Variants in DCP1A observed in about 807,000 individuals in gnomAD.
DCP1A encodes the protein mRNA-decapping enzyme 1A.
A neutral mutation model predicts 58.0 loss-of-function variants in DCP1A; 20 were observed. That is an observed-to-expected ratio of 0.34 (90% CI 0.24 to 0.50). The LOEUF (loss-of-function observed/expected upper bound fraction) is 0.50, where lower values mean the gene tolerates loss of function less well. DCP1A is among the 20% of genes least tolerant of loss of function. The pLI is 0.98. For missense variants in DCP1A, 613 were observed against 712.2 expected (o/e 0.86, Z 1.59); for synonymous variants, 285 against 275.1 (o/e 1.04, Z -0.36).
rs1553686139 is a variant in DCP1A at position 53,292,280 on chromosome 3, C to T, written c.1172G>A (p.Ser391Asn). ...VTNTAGTSLP[S>N]VDLLQKLRLT... is the part of the protein sequence containing the mutation. ...CCTGAGTTTCTGGAGAAGATCAACG[C>T]TTGGGAGGGATGTGCCAGCTGTGTT... The change falls in exon 7 of 10, where the codon AGC (serine) becomes AAC (asparagine). Residue 391 changes from serine to asparagine, a missense_variant. Transcript: ENST00000610213. 3 of 1,613,944 alleles carry T rather than the reference C, an allele frequency of 1.9e-6. No individual in the cohort carries two copies. Among genetic ancestry groups the T allele is most frequent in the Non-Finnish European group, 2.5e-6 (3 of 1,179,866 alleles).
At chr3:53,287,765 T>C in intron 9 of DCP1A, 105 bp from the exon 10 acceptor site, 1 of 795,398 alleles carries the variant, frequency 1.3e-6, no homozygotes, top group Non-Finnish European at 2.1e-6. Context: ...ATGATTTGTA[T>C]AACTGATAAT....
Position 53,288,078 on chromosome 3 carries a change from A to G in DCP1A, c.1655T>C (p.Ile552Thr). ...LSKSQLQDTLIHLIKNDSSFL... is the reference protein window; with the variant it reads ...LSKSQLQDTLTHLIKNDSSFL... ...TATCCTACATACCTTTATTAGATGT[A>G]TTAATGTATCCTGGAGCTGAGACTT... is the stretch of plus-strand genomic sequence containing the variant. The change falls in exon 9 of 10, where the codon ATA becomes ACA. Residue 552 changes from isoleucine (I) to threonine (T), a missense_variant. Coordinates refer to ENST00000610213, the MANE Select transcript of DCP1A (RefSeq NM_018403.7). 1.2e-6 allele frequency: 2 copies of G among 1,613,614 alleles called. No individual in the cohort carries two copies. Among genetic ancestry groups the G allele is most frequent in the Non-Finnish European group, 1.7e-6 (2 of 1,179,478 alleles).
At chr3:53,332,814 C>T (rs553486670) in intron 3 of DCP1A, among the ~76,000 whole-genome samples, 1 of 151,788 alleles carries the variant, frequency 6.6e-6, no homozygotes, top group Non-Finnish European at 1.5e-5. Flanking sequence ...GCCTAGATCG[C>T]CCCACTGCAC....
chr3:53,312,495 C>CTTT (rs879948145), intron 4 of DCP1A, 116 bp from the exon 5 acceptor site: 517 of 525,762 alleles, frequency 9.8e-4, no homozygotes, highest in South Asian at 1.8e-3. Flanking sequence ...TGACATTCTT[C>CTTT]TTTTTTTTTT....
intron 4 of DCP1A, among the ~76,000 whole-genome samples, chr3:53,318,304 A>C (rs1707870389): frequency 1.3e-5 from 2 of 152,012 alleles, no homozygotes; most frequent in Admixed American, 1.3e-4. Flanking sequence ...GACTCTGTCT[A>C]AAAAAAACCA....
chr3:53,292,451 CT>C lies in DCP1A; in HGVS notation c.1000del (p.Ser334AlafsTer8). 6.2e-7 allele frequency: 1 copy of C among 1,613,934 alleles called. No homozygotes were observed. Among genetic ancestry groups the C allele is most frequent in the Non-Finnish European group, 8.5e-7 (1 of 1,179,872 alleles). On this transcript the variant is annotated frameshift_variant, in exon 7 of 10. Transcript: ENST00000610213. LOFTEE classifies it high-confidence loss of function. ...AEAPTAQVPPSLPRNSTMMQA... is the reference protein window; with the variant it reads ...AEAPTAQVPPXLPRNSTMMQA... ...CATCATGGTGCTGTTTCGAGGTAAGCTGGGGGGAACCTGTGCAGTAGGAGCT... is the reference window on the plus strand; with the variant it reads ...CATCATGGTGCTGTTTCGAGGTAAGCGGGGGGAACCTGTGCAGTAGGAGCT...
chr3:53,333,650 A>T (rs2089056986), intron 3 of DCP1A, among the ~76,000 whole-genome samples: 1 of 151,942 alleles, frequency 6.6e-6, no homozygotes, highest in African/African-American at 2.4e-5. Flanking sequence ...AAAAAAAAAA[A>T]TTTGTCTGCT....
chr3:53,296,622 T>C (rs1707136185), intron 6 of DCP1A, among the ~76,000 whole-genome samples: 1 of 152,244 alleles, frequency 6.6e-6, no homozygotes, highest in South Asian at 2.1e-4. Flanking sequence ...ATTTTAACCA[T>C]ATTTAAGTGT....
At chr3:53,324,740 G>A (rs373648729) in intron 3 of DCP1A, among the ~76,000 whole-genome samples, 2 of 152,176 alleles carry the variant, frequency 1.3e-5, no homozygotes, top group East Asian at 1.9e-4. Context: ...TGAAAAGTTG[G>A]CTGGGTGTGG....
chr3:53,295,980 C>T (rs558695753), intron 6 of DCP1A, among the ~76,000 whole-genome samples: 1 of 151,602 alleles, frequency 6.6e-6, no homozygotes, highest in South Asian at 2.1e-4. Flanking sequence ...GTAACCTCCT[C>T]CTCCCAGGTT....
At chr3:53,347,290 T>C in intron 1 of DCP1A, 93 bp downstream of exon 1, 10 of 1,369,766 alleles carry the variant, frequency 7.3e-6, no homozygotes, top group Non-Finnish European at 8.5e-6. Context: ...CCCTGGCCTC[T>C]TAGTGTGCCC....
chr3:53,345,055 T>G (rs1271148859), intron 1 of DCP1A, 113 bp from the exon 2 acceptor site: 2 of 843,634 alleles, frequency 2.4e-6, no homozygotes, highest in Non-Finnish European at 3.7e-6. Flanking sequence ...TTTCATCTAT[T>G]ATAAAATTAA....
intron 3 of DCP1A, among the ~76,000 whole-genome samples, chr3:53,341,733 C>T (rs1553692562): frequency 6.6e-6 from 1 of 152,154 alleles, no homozygotes; most frequent in Non-Finnish European, 1.5e-5. Flanking sequence ...GAGACACAGT[C>T]TCATTCTGTT....
intron 3 of DCP1A, among the ~76,000 whole-genome samples, chr3:53,323,054 G>A (rs1384669075): frequency 1.3e-5 from 2 of 152,040 alleles, no homozygotes; most frequent in African/African-American, 2.4e-5. Flanking sequence ...TCGATCTCCT[G>A]ACCTCGTGAT....
chr3:53,292,530 G>C lies in DCP1A; in HGVS notation c.922C>G (p.Pro308Ala). 2.5e-6 allele frequency: 4 copies of C among 1,613,998 alleles called. No homozygotes were observed. The highest frequency in any genetic ancestry group is 3.4e-6 in the Non-Finnish European group (4 of 1,179,898). Residue 308 changes from proline (P) to alanine (A), a missense_variant, in exon 7 of 10, where the codon CCA (proline) becomes GCA (alanine). Physicochemically the swap from Pro to Ala is conservative, Grantham distance 27. This residue lies in a region of DCP1A where 498 missense variants were observed against 556.7 expected (regional missense o/e 0.89). Transcript: ENST00000610213. ...GGGCTCAACGGGATTGTGTAGGTTG[G>C]AGCATGCTTTTCATTGGACTGTGTG... ...SITQSNEKHAPTYTIPLSPVL... is the reference protein window; with the variant it reads ...SITQSNEKHAATYTIPLSPVL...
Position 53,292,514 on chromosome 3 carries a change from G to C in DCP1A, c.938C>G (p.Pro313Arg), listed in dbSNP as rs551318997. 1.7e-5 allele frequency: 28 copies of C among 1,613,998 alleles called. No homozygotes were observed. In the East Asian group the frequency reaches 5.8e-4, roughly 33 times the overall value. ...AGTGGGACTGAGAACAGGGCTCAAC[G>C]GGATTGTGTAGGTTGGAGCATGCTT... ...NEKHAPTYTI[P>R]LSPVLSPTLP... Residue 313 changes from proline to arginine, a missense_variant, in exon 7 of 10, where the codon CCG becomes CGG. Transcript: ENST00000610213.
chr3:53,296,456 A>G (rs756734670), intron 6 of DCP1A, among the ~76,000 whole-genome samples: 42 of 152,220 alleles, frequency 2.8e-4, no homozygotes, highest in Non-Finnish European at 5.0e-4. Flanking sequence ...TCCAGGCCAC[A>G]TAGCTGCAGA....
Position 53,292,691 on chromosome 3 carries a change from G to C in DCP1A, c.761C>G (p.Pro254Arg). The change falls in exon 7 of 10, where the codon CCC (proline) becomes CGC (arginine). Residue 254 changes from proline (P) to arginine (R), a missense_variant. Pro to Arg is a moderately radical substitution (Grantham distance 103, BLOSUM62 -2). Coordinates refer to ENST00000610213, the MANE Select transcript of DCP1A (RefSeq NM_018403.7). ...AAAGGGAAATGGTAGGAATGAATTG[G>C]GCTCTTTCTGGGAGGCATCTCCTGG... ...RLPGDASQKE[P>R]NSFLPFPFEQ... 6.2e-7 allele frequency: 1 copy of C among 1,613,726 alleles called. No homozygotes were observed. The highest frequency in any genetic ancestry group is 8.5e-7 in the Non-Finnish European group (1 of 1,179,842).
chr3:53,346,871 C>T (rs1047226797), intron 1 of DCP1A, among the ~76,000 whole-genome samples: 14 of 152,086 alleles, frequency 9.2e-5, no homozygotes, highest in Non-Finnish European at 1.6e-4. Context: ...CCACCCACCC[C>T]CTCCTTCCAA....
Sources: gnomAD v4.1 joint callset for allele counts (sites outside exome capture counted in the v4.1 genomes callset) on GRCh38, gnomAD v4.1.1 for gene constraint, gnomAD v4.1.1 regional missense constraint, MANE v1.5 for transcripts, NCBI Gene and HGNC (gene_info 2026-07-23, HGNC 2026-07-21) for gene names.